Variants in PRKD1 observed in about 807,000 individuals in gnomAD.
PRKD1 encodes the protein serine/threonine-protein kinase D1.
In PRKD1, 63 loss-of-function variants were observed where a neutral mutation model predicts 95.9. The observed-to-expected ratio is 0.66, with a 90% CI of 0.54 to 0.81. The LOEUF (loss-of-function observed/expected upper bound fraction) is 0.81. PRKD1 is among the 30% of genes least tolerant of loss of function. The pLI, the probability that PRKD1 is intolerant of heterozygous loss-of-function variation, is 0.00. For synonymous variants in PRKD1, 425 were observed against 423.1 expected (o/e 1.00, Z -0.05); for missense variants, 1,048 against 1,165.3 (o/e 0.90, Z 1.47).
At chr14:29,666,740 G>A (rs1421950791) in intron 2 of PRKD1, among the ~76,000 whole-genome samples, 1 of 151,970 alleles carries the variant, frequency 6.6e-6, no homozygotes, top group East Asian at 1.9e-4. Flanking sequence ...CTGAACTCTT[G>A]GGCAATGTAT....
At chr14:29,660,007 C>T (rs1882102702) in intron 4 of PRKD1, among the ~76,000 whole-genome samples, 1 of 152,096 alleles carries the variant, frequency 6.6e-6, no homozygotes, top group African/African-American at 2.4e-5. Flanking sequence ...TTTAAAAAAG[C>T]TTTTCCTACT....
rs147115002 is a variant in PRKD1, at chr14:29,925,274, T to C, written c.264+1975A>G. The stretch of plus-strand genomic sequence containing the variant: ...ACTCATGTTCCAACTAGCTCATGAC[T>C]GAACTTCGGTGCTCTTTCTGCCATA... On this transcript the variant is annotated intron_variant, in intron 1 of 17. Transcript: ENST00000331968. Among the ~76,000 whole-genome samples the C allele has an allele frequency of 2.8e-3, 434 of 152,320 alleles. 5 individuals are homozygous for C. The highest frequency in any genetic ancestry group is 4.6e-3 in the Non-Finnish European group (314 of 68,032).
intron 1 of PRKD1, among the ~76,000 whole-genome samples, chr14:29,861,707 C>A (rs1892716108): frequency 6.6e-6 from 1 of 152,060 alleles, no homozygotes; most frequent in Non-Finnish European, 1.5e-5. Flanking sequence ...GGCTGGAGTG[C>A]TGTGATGTGA....
At chr14:29,608,909 A>G (rs999734114) in intron 13 of PRKD1, among the ~76,000 whole-genome samples, 1 of 152,188 alleles carries the variant, frequency 6.6e-6, no homozygotes, top group African/African-American at 2.4e-5. Flanking sequence ...TTCATCTACA[A>G]TATTTTAGAA....
intron 1 of PRKD1, among the ~76,000 whole-genome samples, chr14:29,745,393 T>C (rs1887167984): frequency 6.6e-6 from 1 of 152,222 alleles, no homozygotes; most frequent in African/African-American, 2.4e-5. Flanking sequence ...GTATACATTG[T>C]TGAATCAATA....
chr14:29,592,873 G>GTGTTACTA (rs1893179926), intron 16 of PRKD1: 1 of 152,098 alleles, frequency 6.6e-6, no homozygotes, highest in South Asian at 2.1e-4. Context: ...ATTAAAATTT[G>GTGTTACTA]TGTTACTACT....
chr14:29,726,400 T>G (rs1462334603), intron 1 of PRKD1, among the ~76,000 whole-genome samples: 1 of 152,170 alleles, frequency 6.6e-6, no homozygotes, highest in Non-Finnish European at 1.5e-5. Context: ...TTGTAATGAC[T>G]TTTTCACATA....
At chr14:29,812,538 G>C (rs1280192749) in intron 1 of PRKD1, among the ~76,000 whole-genome samples, 1 of 152,172 alleles carries the variant, frequency 6.6e-6, no homozygotes, top group Non-Finnish European at 1.5e-5. Flanking sequence ...CATGTCTAGG[G>C]AGGCCTCAGG....
rs547940968 is a variant in PRKD1, at chr14:29,866,106, T to C, written c.264+61143A>G. Among the ~76,000 whole-genome samples the C allele has an allele frequency of 1.0e-3, 159 of 152,260 alleles. 1 individual carries two copies. Among genetic ancestry groups the C allele is most frequent in the Non-Finnish European group, 2.0e-3 (139 of 68,010 alleles). On this transcript the variant is annotated intron_variant, in intron 1 of 17. Transcript: ENST00000331968. ...GATGATGTTTATTACAGATAAATCA[T>C]TCTGAAATTTCACATAAGATAAAGT... is the stretch of plus-strand genomic sequence containing the variant.
chr14:29,742,176 T>C (rs1887008275), intron 1 of PRKD1, among the ~76,000 whole-genome samples: 1 of 152,174 alleles, frequency 6.6e-6, no homozygotes, highest in Non-Finnish European at 1.5e-5. Context: ...AAGAATTTCT[T>C]CTCCCCTTGT....
intron 4 of PRKD1, among the ~76,000 whole-genome samples, chr14:29,654,915 T>C (rs1314938030): frequency 1.3e-5 from 2 of 152,246 alleles, no homozygotes; most frequent in African/African-American, 4.8e-5. Flanking sequence ...TCTGTTATCT[T>C]TTTGACAAAC....
At position 29,840,185 on chromosome 14, in the gene PRKD1, C is replaced by T. The variant is rs984199165; in HGVS notation, c.264+87064G>A. Among the ~76,000 whole-genome samples the T allele has an allele frequency of 5.3e-5, 8 of 152,228 alleles. No homozygotes were observed. In the South Asian group the frequency reaches 1.0e-3, roughly 20 times the overall value. The stretch of plus-strand genomic sequence containing the variant: ...CATCAAAGTCACCTCTTCAATGCTT[C>T]GATGCTTGGAAATTTCTTCTGCCAG... On this transcript the variant is annotated intron_variant, in intron 1 of 17. Coordinates refer to ENST00000331968, the MANE Select transcript of PRKD1 (RefSeq NM_002742.3).
chr14:29,643,178 CTG>C (rs769958823), intron 4 of PRKD1, among the ~76,000 whole-genome samples: 11 of 151,656 alleles, frequency 7.3e-5, no homozygotes, highest in Non-Finnish European at 1.0e-4. Context: ...ATTGACATCA[CTG>C]TAAAATATGG....
At chr14:29,646,916 T>C (rs1192868991) in intron 4 of PRKD1, among the ~76,000 whole-genome samples, 5 of 152,186 alleles carry the variant, frequency 3.3e-5, no homozygotes, top group African/African-American at 1.2e-4. Context: ...TTCCAGGCTC[T>C]ATAATTCAGG....
intron 1 of PRKD1, among the ~76,000 whole-genome samples, chr14:29,913,761 C>T (rs114825012): frequency 0.016 from 2,495 of 152,228 alleles, 46 homozygotes; most frequent in Middle Eastern, 0.048. Context: ...ATGCGTGATT[C>T]GCTTTACCAC....
intron 2 of PRKD1, among the ~76,000 whole-genome samples, chr14:29,712,523 G>A (rs987214094): frequency 2.6e-5 from 4 of 152,148 alleles, no homozygotes; most frequent in Admixed American, 6.5e-5. Flanking sequence ...GTATTAAAAT[G>A]TATGTACTAA....
intron 1 of PRKD1, among the ~76,000 whole-genome samples, chr14:29,850,168 C>G (rs1264514789): frequency 6.6e-6 from 1 of 152,080 alleles, no homozygotes; most frequent in Non-Finnish European, 1.5e-5. Context: ...TCTTACCACT[C>G]TTATTCAACA....
chr14:29,909,708 T>C (rs1226349399), intron 1 of PRKD1, among the ~76,000 whole-genome samples: 1 of 152,156 alleles, frequency 6.6e-6, no homozygotes, highest in Non-Finnish European at 1.5e-5. Flanking sequence ...GCACTCTGTG[T>C]CTAGCTCAAG....
intron 4 of PRKD1, among the ~76,000 whole-genome samples, chr14:29,649,669 C>T (rs1566513337): frequency 6.6e-6 from 1 of 151,976 alleles, no homozygotes; most frequent in Non-Finnish European, 1.5e-5. Context: ...ATTTATAGCG[C>T]CTTTGGCTGG....
Sources: allele counts gnomAD v4.1 joint callset (sites outside exome capture counted in the v4.1 genomes callset), GRCh38; gene constraint gnomAD v4.1.1; transcripts MANE v1.5; gene names NCBI Gene and HGNC (gene_info 2026-07-23, HGNC 2026-07-21).